Variants in MYO1D observed in about 807,000 individuals in gnomAD.
MYO1D encodes the protein unconventional myosin-Id.
MYO1D carries 83 observed loss-of-function variants against 122.0 expected under a neutral mutation model. The observed-to-expected ratio is 0.68, with a 90% CI of 0.57 to 0.82. The LOEUF is 0.82. MYO1D is among the 40% of genes least tolerant of loss of function. The pLI is 0.00. For synonymous variants in MYO1D, 464 were observed against 446.9 expected (o/e 1.04, Z -0.48); for missense variants, 1,157 against 1,269.5 (o/e 0.91, Z 1.35).
intron 20 of MYO1D, among the ~76,000 whole-genome samples, chr17:32,636,942 C>T (rs1597958351): frequency 1.3e-5 from 2 of 152,306 alleles, no homozygotes; most frequent in East Asian, 3.9e-4. Context: ...TTGACAGCAT[C>T]TGCAACGGGG....
chr17:32,770,878 A>G lies in MYO1D; in HGVS notation c.714+247T>C, dbSNP rs534898669. Among the ~76,000 whole-genome samples, 48 of 152,300 alleles carry G rather than the reference A, an allele frequency of 3.2e-4. 1 individual carries two copies. Among genetic ancestry groups the G allele is most frequent in the Middle Eastern group, 6.8e-3 (2 of 294 alleles). On this transcript the variant is annotated intron_variant, in intron 6 of 21. Coordinates refer to ENST00000318217, the MANE Select transcript of MYO1D (RefSeq NM_015194.3). ...GGGATAGGATTAAAAATTAAAATAA[A>G]ACATTGAATGTAGGAAAAAACTTCT...
At chr17:32,701,622 G>A (rs2150980978) in intron 16 of MYO1D, among the ~76,000 whole-genome samples, 1 of 152,106 alleles carries the variant, frequency 6.6e-6, no homozygotes, top group East Asian at 1.9e-4. Context: ...AAGTTCGGTG[G>A]CGCAATCATG....
intron 20 of MYO1D, among the ~76,000 whole-genome samples, chr17:32,624,019 T>TCA (rs1401432994): frequency 6.6e-6 from 1 of 152,112 alleles, no homozygotes; most frequent in Admixed American, 6.5e-5. Context: ...TGTCTCTCTC[T>TCA]CACACACATA....
chr17:32,863,525 G>A (rs1248783233), intron 1 of MYO1D, among the ~76,000 whole-genome samples: 5 of 152,224 alleles, frequency 3.3e-5, no homozygotes, highest in East Asian at 1.9e-4. Context: ...TCACGGGGAG[G>A]CACACAGAAA....
In MYO1D at chr17:32,825,978, G is replaced by A. The variant is rs145063651; in HGVS notation, c.96-45194C>T. 3.2e-4 allele frequency among the ~76,000 whole-genome samples: 47 copies of A among 147,974 alleles called. 1 individual carries two copies. Among genetic ancestry groups the A allele is most frequent in the African/African-American group, 1.1e-3 (45 of 40,458 alleles). On this transcript the variant is annotated intron_variant, in intron 1 of 21. Transcript: ENST00000318217. ...GCAGGAGGATTGCCTCAGCCCAGGA[G>A]TTTGAGCTTGCAGTGAGCTATGATG...
intron 16 of MYO1D, among the ~76,000 whole-genome samples, chr17:32,684,006 T>C (rs2088966834): frequency 6.6e-6 from 1 of 152,088 alleles, no homozygotes; most frequent in South Asian, 2.1e-4. Context: ...AGTGACCCGA[T>C]TTCCAGGTGC....
intron 20 of MYO1D, among the ~76,000 whole-genome samples, chr17:32,625,524 T>C (rs1045329544): frequency 6.6e-5 from 10 of 151,938 alleles, no homozygotes; most frequent in Non-Finnish European, 1.2e-4. Flanking sequence ...CGATGAATGT[T>C]AGTTCTGTTA....
At chr17:32,565,366 C>T (rs1003802184) in intron 21 of MYO1D, among the ~76,000 whole-genome samples, 4 of 152,216 alleles carry the variant, frequency 2.6e-5, no homozygotes, top group Admixed American at 6.5e-5. Context: ...CTTGTAGCAA[C>T]GAAAGGCACC....
At chr17:32,738,420 A>T (rs1404887348) in intron 13 of MYO1D, 35 bp from the exon 14 acceptor site, 6 of 1,532,556 alleles carry the variant, frequency 3.9e-6, no homozygotes, top group Middle Eastern at 3.4e-4. Context: ...CAAATGTCAC[A>T]TTCAAATAAG....
intron 20 of MYO1D, among the ~76,000 whole-genome samples, chr17:32,622,571 CT>C (rs1166772586): frequency 2.0e-5 from 3 of 152,076 alleles, no homozygotes; most frequent in Non-Finnish European, 4.4e-5. Context: ...CTGAACAAGC[CT>C]TTTAAAGTTA....
Position 32,760,317 on chromosome 17 carries a change from G to C in MYO1D, c.1269C>G (p.Tyr423Ter). 3 of 1,611,680 alleles carry C rather than the reference G, an allele frequency of 1.9e-6. No homozygotes were observed. The highest frequency in any genetic ancestry group is 2.5e-6 in the Non-Finnish European group (3 of 1,178,196). ...QLVLKQEQEE[Y>*]QREGIPWKHI... ...GTTTCCAGGGGATCCCTTCCCGCTG[G>C]TATTCCTCTTGTTCTTGCTTCAGAA... Residue 423 changes from tyrosine to a stop codon, truncating the protein, a stop_gained, in exon 10 of 22, where the codon TAC becomes TAG. Transcript: ENST00000318217. LOFTEE classifies it high-confidence loss of function.
At chr17:32,818,708 C>T (rs986157135) in intron 1 of MYO1D, among the ~76,000 whole-genome samples, 4 of 152,182 alleles carry the variant, frequency 2.6e-5, no homozygotes, top group African/African-American at 9.7e-5. Context: ...GGCAAGGGGT[C>T]AGATCTCTCT....
chr17:32,701,186 T>G (rs981247964), intron 16 of MYO1D, among the ~76,000 whole-genome samples: 1 of 152,176 alleles, frequency 6.6e-6, no homozygotes, highest in Non-Finnish European at 1.5e-5. Context: ...AGAATCTGAA[T>G]GATTTTCTAG....
At chr17:32,609,774 G>C (rs1204663854) in intron 20 of MYO1D, among the ~76,000 whole-genome samples, 2 of 152,144 alleles carry the variant, frequency 1.3e-5, no homozygotes, top group East Asian at 1.9e-4. Context: ...GGGCTTAATG[G>C]AGAGAAGGGA....
chr17:32,805,122 C>T (rs904019543), intron 1 of MYO1D, among the ~76,000 whole-genome samples: 3 of 152,134 alleles, frequency 2.0e-5, no homozygotes, highest in Admixed American at 6.5e-5. Context: ...TTGCTTGCCC[C>T]TTCTGTCATG....
intron 1 of MYO1D, among the ~76,000 whole-genome samples, chr17:32,789,061 A>C (rs1340083373): frequency 6.6e-6 from 1 of 151,862 alleles, no homozygotes; most frequent in Non-Finnish European, 1.5e-5. Flanking sequence ...TTGATTCTCT[A>C]CTTGGCCATT....
chr17:32,611,021 T>C (rs2087694166), intron 20 of MYO1D, among the ~76,000 whole-genome samples: 1 of 152,184 alleles, frequency 6.6e-6, no homozygotes, highest in African/African-American at 2.4e-5. Flanking sequence ...AAAGAGTCTC[T>C]GATTGCAACC....
At chr17:32,760,697 GT>G in intron 8 of MYO1D, 70 bp from the exon 9 acceptor site, 1 of 1,478,550 alleles carries the variant, frequency 6.8e-7, no homozygotes, top group Non-Finnish European at 9.2e-7. Context: ...TTTGTGATCA[GT>G]TTTAAATTCC....
intron 21 of MYO1D, among the ~76,000 whole-genome samples, chr17:32,532,467 C>A (rs1437291401): frequency 6.6e-6 from 1 of 152,150 alleles, no homozygotes; most frequent in Admixed American, 6.5e-5. Context: ...GTGGCTCATG[C>A]CTGTAATCCC....
Sources: allele counts gnomAD v4.1 joint callset (sites outside exome capture counted in the v4.1 genomes callset), GRCh38; gene constraint gnomAD v4.1.1; transcripts MANE v1.5; gene names NCBI Gene and HGNC (gene_info 2026-07-23, HGNC 2026-07-21).